The following LAMB1 variants were observed in gnomAD, a reference collection of about 807,000 sequenced individuals.
LAMB1 encodes laminin subunit beta-1.
A neutral mutation model predicts 222.3 loss-of-function variants in LAMB1; 121 were observed. The ratio of observed to expected loss-of-function variants is 0.54; its 90% CI spans 0.47 to 0.63. The LOEUF (loss-of-function observed/expected upper bound fraction) is 0.63. LAMB1 is among the 30% of genes least tolerant of loss of function. The probability of loss-of-function intolerance (pLI) is 0.00; values close to 1 mark genes in which losing one functional copy is unlikely to be tolerated. For synonymous variants in LAMB1, 794 were observed against 807.2 expected (o/e 0.98, Z 0.28); for missense variants, 2,172 against 2,240.8 (o/e 0.97, Z 0.62).
Position 107,939,614 on chromosome 7 carries a change from G to A in LAMB1, c.3761+375C>T, listed in dbSNP as rs115905003. ...CTTCTCCACAGGAGAGAAAATACAG[G>A]CTCAGGAATTGAGTCATCCAAGTTC... On this transcript the variant is annotated intron_variant, in intron 25 of 33. Coordinates refer to ENST00000222399, the MANE Select transcript of LAMB1 (RefSeq NM_002291.3). 4.6e-3 allele frequency among the ~76,000 whole-genome samples: 699 copies of A among 152,236 alleles called. 8 individuals carry two copies. The highest frequency in any genetic ancestry group is 0.015 in the African/African-American group (635 of 41,534).
Position 107,960,616 on chromosome 7 carries a change from T to C in LAMB1, c.2143A>G (p.Ile715Val). The C allele has an allele frequency of 1.2e-6, 2 of 1,614,262 alleles. No homozygotes were observed. The highest frequency in any genetic ancestry group is 1.7e-6 in the Non-Finnish European group (2 of 1,180,044). Residue 715 changes from isoleucine (I) to valine (V), a missense_variant, in exon 18 of 34, where the codon ATC (isoleucine) becomes GTC (valine). Physicochemically the swap from Ile to Val is conservative, Grantham distance 29. Coordinates refer to ENST00000222399, the MANE Select transcript of LAMB1 (RefSeq NM_002291.3). ...TCTCCTGAACCTCCCACGGTGAAGA[T>C]GTCCAGTGATTTACAGTATGGCATG... is the stretch of plus-strand genomic sequence containing the variant. ...VLMPYCKSLDIFTVGGSGDGV... is the reference protein window; with the variant it reads ...VLMPYCKSLDVFTVGGSGDGV...
At chr7:108,002,466 A>C in intron 2 of LAMB1, 1 of 1,275,424 alleles carries the variant, frequency 7.8e-7, no homozygotes, top group East Asian at 4.3e-5. Flanking sequence ...GCCTCCGCTC[A>C]GCTCAGGCAC....
intron 3 of LAMB1, among the ~76,000 whole-genome samples, chr7:107,999,425 C>T (rs2034341145): frequency 6.6e-6 from 1 of 152,146 alleles, no homozygotes; most frequent in Admixed American, 6.5e-5. Context: ...CATAGAGACC[C>T]ACATGTATGT....
rs1584503933 is a variant in LAMB1 at position 107,955,543 on chromosome 7, T to A, written c.2778A>T (p.Gly926=). 1 of 1,614,036 alleles carries A rather than the reference T, an allele frequency of 6.2e-7. No individual in the cohort carries two copies. Among genetic ancestry groups the A allele is most frequent in the South Asian group, 1.1e-5 (1 of 91,054 alleles). The stretch of plus-strand genomic sequence containing the variant: ...GGTAGCAGCTCCTGGCAAACTGGCG[T>A]CCACTGTCGGGACCATCTGGGCAAG... The part of the protein sequence containing the change: ...PCPCPDGPDS[G]RQFARSCYQD... Residue 926 remains glycine, a synonymous_variant, in exon 21 of 34, where the codon GGA becomes GGT. Transcript: ENST00000222399.
At chr7:107,941,364 CT>C (rs2032977631) in intron 24 of LAMB1, among the ~76,000 whole-genome samples, 1 of 152,210 alleles carries the variant, frequency 6.6e-6, no homozygotes, top group African/African-American at 2.4e-5. Flanking sequence ...TATCGCTGGG[CT>C]TCCACCCATT....
intron 5 of LAMB1, 45 bp from the exon 6 acceptor site, chr7:107,986,408 G>T (rs1465939613): frequency 6.6e-7 from 1 of 1,509,152 alleles, no homozygotes; most frequent in South Asian, 1.3e-5. Flanking sequence ...TTTATTGGTA[G>T]TCTCTACTTT....
intron 2 of LAMB1, chr7:108,002,375 C>A: frequency 7.6e-7 from 1 of 1,317,058 alleles, no homozygotes; most frequent in African/African-American, 1.5e-5. Context: ...AGCGCCAGGT[C>A]CTGCTGTTTC....
intron 26 of LAMB1, 89 bp downstream of exon 26, chr7:107,937,004 T>C (rs1584488487): frequency 2.9e-6 from 1 of 349,410 alleles, no homozygotes; most frequent in East Asian, 7.1e-5. Flanking sequence ...ATTAGAAAAC[T>C]TTTTTTTTTC....
chr7:107,948,603 G>A (rs889861725), intron 24 of LAMB1, among the ~76,000 whole-genome samples: 7 of 152,174 alleles, frequency 4.6e-5, no homozygotes, highest in African/African-American at 7.2e-5. Flanking sequence ...GAATACGAAT[G>A]ATGTATACAT....
intron 32 of LAMB1, among the ~76,000 whole-genome samples, chr7:107,925,561 C>T (rs978300584): frequency 5.3e-5 from 8 of 151,974 alleles, no homozygotes; most frequent in Non-Finnish European, 7.4e-5. Flanking sequence ...AGCCCCACCC[C>T]GGCGCCACCA....
chr7:107,979,600 A>G (rs1043874146), intron 8 of LAMB1, among the ~76,000 whole-genome samples: 1 of 152,114 alleles, frequency 6.6e-6, no homozygotes, highest in Non-Finnish European at 1.5e-5. Flanking sequence ...TCTCCTAGAT[A>G]CTAATAGAAT....
chr7:107,985,782 AC>A (rs1337676855), intron 7 of LAMB1, among the ~76,000 whole-genome samples: 4 of 151,428 alleles, frequency 2.6e-5, no homozygotes, highest in Admixed American at 6.6e-5. Flanking sequence ...ACATGGAGAA[AC>A]CCCGTCTCTA....
chr7:107,971,341 G>A (rs1368370627), intron 13 of LAMB1, among the ~76,000 whole-genome samples: 2 of 151,972 alleles, frequency 1.3e-5, no homozygotes, highest in African/African-American at 2.4e-5. Context: ...CTTTTACTAC[G>A]TAAAAAGAAA....
chr7:107,924,029 T>A lies in LAMB1; in HGVS notation c.5283A>T (p.Leu1761Phe). The change falls in exon 34 of 34, where the codon TTA (leucine) becomes TTT (phenylalanine). Residue 1761 changes from leucine (L) to phenylalanine (F), a missense_variant. Leu to Phe is a conservative substitution (Grantham distance 22). Coordinates refer to ENST00000222399, the MANE Select transcript of LAMB1 (RefSeq NM_002291.3). ...QRYLEDKAQE[L>F]ARLEGEVRSL... ...AACGGACTTCTCCTTCCAGTCTTGC[T>A]AATTCTTGAGCTTTATCTTCTAAGT... is the stretch of plus-strand genomic sequence containing the variant. 1.9e-6 allele frequency: 3 copies of A among 1,591,240 alleles called. No individual in the cohort carries two copies. Among genetic ancestry groups the A allele is most frequent in the South Asian group, 2.3e-5 (2 of 86,056 alleles).
intron 27 of LAMB1, among the ~76,000 whole-genome samples, chr7:107,933,985 G>C (rs975656766): frequency 6.6e-6 from 1 of 151,570 alleles, no homozygotes; most frequent in Non-Finnish European, 1.5e-5. Context: ...TGTGATAACT[G>C]ATTTTTTTTT....
At chr7:107,980,137 T>C (rs1346051839) in intron 8 of LAMB1, among the ~76,000 whole-genome samples, 1 of 150,924 alleles carries the variant, frequency 6.6e-6, no homozygotes, top group Non-Finnish European at 1.5e-5. Flanking sequence ...GAACCCAGGA[T>C]GCGGATGGTG....
intron 8 of LAMB1, among the ~76,000 whole-genome samples, chr7:107,979,126 G>T (rs892542204): frequency 6.6e-6 from 1 of 152,192 alleles, no homozygotes; most frequent in Non-Finnish European, 1.5e-5. Context: ...TGTGAGACCC[G>T]TGATAGTAAC....
Position 107,951,308 on chromosome 7 carries a change from G to A in LAMB1, c.3309C>T (p.Cys1103=). Residue 1103 remains cysteine, a synonymous_variant, in exon 24 of 34, where the codon TGC becomes TGT. Coordinates refer to ENST00000222399, the MANE Select transcript of LAMB1 (RefSeq NM_002291.3). Reference sequence around the variant, plus strand: ...GGCCTCCAAACCCAGGCATGCACTGGCACTGCCCCGTGAACTGCGGCCAGA... The same window carrying A: ...GGCCTCCAAACCCAGGCATGCACTGACACTGCCCCGTGAACTGCGGCCAGA... ...GPSCNEFTGQ[C]QCMPGFGGRT... 6.2e-7 allele frequency: 1 copy of A among 1,614,102 alleles called. No homozygotes were observed. The highest frequency in any genetic ancestry group is 8.5e-7 in the Non-Finnish European group (1 of 1,179,990).
At chr7:107,965,321 T>G (rs1230608169) in intron 13 of LAMB1, among the ~76,000 whole-genome samples, 1 of 152,256 alleles carries the variant, frequency 6.6e-6, no homozygotes, top group African/African-American at 2.4e-5. Context: ...GGCTCACGCC[T>G]GTAATCTCAG....
Sources: allele counts gnomAD v4.1 joint callset (sites outside exome capture counted in the v4.1 genomes callset), GRCh38; gene constraint gnomAD v4.1.1; transcripts MANE v1.5; gene names NCBI Gene and HGNC (gene_info 2026-07-23, HGNC 2026-07-21).